The following ZFAND3 variants were observed in gnomAD, a reference collection of about 807,000 sequenced individuals.
The protein encoded by ZFAND3 is AN1-type zinc finger protein 3.
In ZFAND3, 10 loss-of-function variants were observed where a neutral mutation model predicts 29.6. The observed-to-expected ratio is 0.34, with a 90% confidence interval of 0.21 to 0.57. The LOEUF is 0.57. Among genes scored for constraint, ZFAND3 ranks in the 20% least tolerant of loss-of-function variants. The probability of loss-of-function intolerance (pLI) is 0.86; values close to 1 mark genes in which losing one functional copy is unlikely to be tolerated. For missense variants in ZFAND3, 230 were observed against 304.5 expected (o/e 0.76, Z 1.82); for synonymous variants, 128 against 112.6 (o/e 1.14, Z -0.87).
intron 5 of ZFAND3, among the ~76,000 whole-genome samples, chr6:38,148,388 G>A (rs1277139043): frequency 3.9e-5 from 6 of 152,224 alleles, no homozygotes; most frequent in Non-Finnish European, 7.3e-5. Flanking sequence ...CAGCAGGTCA[G>A]TTCTGTGTAC....
intron 4 of ZFAND3, among the ~76,000 whole-genome samples, chr6:38,103,492 CACGT>C: frequency 1.3e-4 from 1 of 7,840 alleles, no homozygotes; most frequent in African/African-American, 4.9e-4. Context: ...CACATATATA[CACGT>C]GTATATATAT....
intron 3 of ZFAND3, among the ~76,000 whole-genome samples, chr6:38,065,243 G>A (rs2127464859): frequency 1.3e-5 from 2 of 151,968 alleles, no homozygotes; most frequent in East Asian, 3.9e-4. Context: ...TTGAACCCGG[G>A]AGGTGAGGTT....
chr6:37,920,280 A>T (rs1395932190), intron 1 of ZFAND3, among the ~76,000 whole-genome samples: 2 of 151,872 alleles, frequency 1.3e-5, no homozygotes, highest in Non-Finnish European at 2.9e-5. Context: ...CTTATGTGGA[A>T]AAATTATTTG....
chr6:37,917,129 A>G (rs532965778), intron 1 of ZFAND3, among the ~76,000 whole-genome samples: 1 of 152,354 alleles, frequency 6.6e-6, no homozygotes, highest in South Asian at 2.1e-4. Context: ...CTGTTTGTAT[A>G]GGAAGAACAC....
intron 2 of ZFAND3, among the ~76,000 whole-genome samples, chr6:38,029,913 TAA>T (rs1171291249): frequency 6.6e-6 from 1 of 151,876 alleles, no homozygotes; most frequent in African/African-American, 2.4e-5. Context: ...AAGAAAAACA[TAA>T]AGTTTATATT....
At chr6:38,103,064 T>G (rs1165393758) in intron 4 of ZFAND3, among the ~76,000 whole-genome samples, 1 of 152,194 alleles carries the variant, frequency 6.6e-6, no homozygotes, top group African/African-American at 2.4e-5. Context: ...GCTGGAAGTT[T>G]AACTTCTAAA....
chr6:37,908,427 A>C (rs1765448714), intron 1 of ZFAND3, among the ~76,000 whole-genome samples: 1 of 151,954 alleles, frequency 6.6e-6, no homozygotes, highest in South Asian at 2.1e-4. Flanking sequence ...GTTTGATCAC[A>C]TGTGCCATGC....
intron 1 of ZFAND3, among the ~76,000 whole-genome samples, chr6:37,876,311 A>C (rs149187407): frequency 1.8e-4 from 28 of 152,346 alleles, no homozygotes; most frequent in African/African-American, 6.7e-4. Context: ...ACTTCAGTAG[A>C]TACAACTTAA....
chr6:38,079,679 C>T (rs995003425), intron 3 of ZFAND3, among the ~76,000 whole-genome samples: 9 of 152,142 alleles, frequency 5.9e-5, no homozygotes, highest in Non-Finnish European at 1.0e-4. Flanking sequence ...TACCCTTGTG[C>T]ACTGTGCAGC....
At chr6:38,095,461 G>C (rs755257545) in intron 4 of ZFAND3, among the ~76,000 whole-genome samples, 1 of 150,832 alleles carries the variant, frequency 6.6e-6, no homozygotes, top group South Asian at 2.1e-4. Flanking sequence ...TTGGTTTTAC[G>C]TCACCACTTA....
At chr6:38,044,661 G>A (rs1443191287) in intron 2 of ZFAND3, among the ~76,000 whole-genome samples, 1 of 152,212 alleles carries the variant, frequency 6.6e-6, no homozygotes, top group Non-Finnish European at 1.5e-5. Flanking sequence ...ATGTGCTGCA[G>A]CCTTTCTTGA....
At chr6:38,108,034 A>G (rs1347898134) in intron 4 of ZFAND3, among the ~76,000 whole-genome samples, 2 of 152,220 alleles carry the variant, frequency 1.3e-5, no homozygotes, top group African/African-American at 4.8e-5. Context: ...AATGTAACAC[A>G]TGAAACTTGA....
chr6:38,147,905 G>A (rs990249562), intron 5 of ZFAND3, among the ~76,000 whole-genome samples: 1 of 152,018 alleles, frequency 6.6e-6, no homozygotes, highest in African/African-American at 2.4e-5. Flanking sequence ...CCATTTGGCA[G>A]GTTTTCTCTT....
intron 2 of ZFAND3, among the ~76,000 whole-genome samples, chr6:37,966,907 A>C (rs1490546095): frequency 6.6e-6 from 1 of 152,114 alleles, no homozygotes; most frequent in East Asian, 1.9e-4. Context: ...AACCAGTTAT[A>C]AGTTGTATTT....
chr6:37,987,177 T>C (rs1762685667), intron 2 of ZFAND3, among the ~76,000 whole-genome samples: 1 of 152,146 alleles, frequency 6.6e-6, no homozygotes, highest in South Asian at 2.1e-4. Flanking sequence ...AGGAGTGGAG[T>C]TAGAAGTGAG....
intron 2 of ZFAND3, among the ~76,000 whole-genome samples, chr6:38,059,146 T>C (rs1764187984): frequency 6.6e-6 from 1 of 152,174 alleles, no homozygotes; most frequent in African/African-American, 2.4e-5. Context: ...ACCAACAGCT[T>C]AAGAAATAAA....
chr6:37,843,620 C>T (rs1663769925), intron 1 of ZFAND3, among the ~76,000 whole-genome samples: 2 of 152,266 alleles, frequency 1.3e-5, no homozygotes, highest in Non-Finnish European at 2.9e-5. Context: ...ACTATGCGGT[C>T]CACATTATTC....
At chr6:37,949,095 T>C (rs1204028329) in intron 2 of ZFAND3, among the ~76,000 whole-genome samples, 1 of 152,178 alleles carries the variant, frequency 6.6e-6, no homozygotes. Context: ...GTATAAGCAT[T>C]CTCTTTTCTC....
intron 2 of ZFAND3, among the ~76,000 whole-genome samples, chr6:37,970,263 T>A (rs1762362945): frequency 6.6e-6 from 1 of 152,186 alleles, no homozygotes; most frequent in African/African-American, 2.4e-5. Flanking sequence ...ATGTGTCAGA[T>A]TTTTCATAAC....
Sources: allele counts gnomAD v4.1 joint callset (sites outside exome capture counted in the v4.1 genomes callset), GRCh38; gene constraint gnomAD v4.1.1; transcripts MANE v1.5; gene names NCBI Gene and HGNC (gene_info 2026-07-23, HGNC 2026-07-21).